DCLK1: variants seen among roughly 807,000 people sequenced by gnomAD.
DCLK1 encodes the protein doublecortin like kinase 1, also known as serine/threonine-protein kinase DCLK1.
In DCLK1, 16 loss-of-function variants were observed where a neutral mutation model predicts 86.2. The observed-to-expected ratio is 0.19, with a 90% CI of 0.13 to 0.28. The LOEUF is 0.28. DCLK1 is among the 10% of genes least tolerant of loss of function. DCLK1 has a pLI of 1.00. For missense variants in DCLK1, 590 were observed against 940.2 expected, an observed-to-expected ratio of 0.63 and a Z score of 4.87; for synonymous variants, 369 against 370.5, an observed-to-expected ratio of 1.00 and a Z score of 0.05.
intron 3 of DCLK1, among the ~76,000 whole-genome samples, chr13:36,029,367 T>C (rs1487056224): frequency 6.6e-6 from 1 of 152,214 alleles, no homozygotes; most frequent in African/African-American, 2.4e-5. Context: ...TGTTTTTCTA[T>C]CAGCGTCACA....
intron 4 of DCLK1, among the ~76,000 whole-genome samples, chr13:35,905,340 A>G (rs1874620866): frequency 6.6e-6 from 1 of 152,192 alleles, no homozygotes; most frequent in African/African-American, 2.4e-5. Context: ...TAGACATGTG[A>G]TATACTTTGA....
At chr13:36,038,268 C>T (rs150953771) in intron 3 of DCLK1, among the ~76,000 whole-genome samples, 1 of 152,206 alleles carries the variant, frequency 6.6e-6, no homozygotes. Flanking sequence ...ACTGTCCCCA[C>T]CATGGGTCCA....
At chr13:35,863,657 A>G (rs1871565167) in intron 5 of DCLK1, among the ~76,000 whole-genome samples, 1 of 152,216 alleles carries the variant, frequency 6.6e-6, no homozygotes, top group Admixed American at 6.5e-5. Context: ...TTGGAGCTCC[A>G]AAGCAAAAAA....
chr13:36,074,716 T>C (rs1470491653), intron 3 of DCLK1, among the ~76,000 whole-genome samples: 5 of 152,154 alleles, frequency 3.3e-5, no homozygotes, highest in South Asian at 4.1e-4. Context: ...GGAAGAGCCA[T>C]AGTAATCCTT....
chr13:35,777,852 G>A (rs2153097301), intron 16 of DCLK1, among the ~76,000 whole-genome samples: 1 of 152,304 alleles, frequency 6.6e-6, no homozygotes, highest in Non-Finnish European at 1.5e-5. Flanking sequence ...CTTAGAGAAA[G>A]TATTTTAGGA....
chr13:36,070,621 T>C (rs997977742), intron 3 of DCLK1, among the ~76,000 whole-genome samples: 1 of 146,268 alleles, frequency 6.8e-6, no homozygotes, highest in African/African-American at 2.6e-5. Flanking sequence ...TTTTTTCCCA[T>C]CTTTATTTAT....
chr13:35,888,540 T>TA (rs1455706028), intron 4 of DCLK1, among the ~76,000 whole-genome samples: 6 of 17,784 alleles, frequency 3.4e-4, no homozygotes, highest in African/African-American at 1.4e-3. Flanking sequence ...TGTAAGTCCC[T>TA]GGGTACAGCA....
chr13:35,823,584 C>T (rs4331231), intron 10 of DCLK1, among the ~76,000 whole-genome samples: 49,478 of 152,008 alleles, frequency 0.33, 9,287 homozygotes, highest in African/African-American at 0.52. Context: ...GTTTCCTTTG[C>T]TCCTTTTTAA....
At chr13:36,024,858 G>C (rs1360353346) in intron 3 of DCLK1, among the ~76,000 whole-genome samples, 1 of 151,622 alleles carries the variant, frequency 6.6e-6, no homozygotes, top group African/African-American at 2.4e-5. Context: ...AAGCAATCAA[G>C]ACAGTATGAT....
chr13:35,850,222 AGT>A (rs1201701296), intron 6 of DCLK1: 1 of 983,400 alleles, frequency 1.0e-6, no homozygotes, highest in Admixed American at 6.2e-5. Flanking sequence ...TTGTAATAAA[AGT>A]ACCTCTAAAA....
intron 6 of DCLK1, chr13:35,847,311 A>G: frequency 1.0e-6 from 1 of 985,216 alleles, no homozygotes. Flanking sequence ...ACAGAGTAAC[A>G]CTTTATTACA....
chr13:35,840,409 G>A (rs1204641670), intron 6 of DCLK1, among the ~76,000 whole-genome samples: 2 of 152,160 alleles, frequency 1.3e-5, no homozygotes, highest in Non-Finnish European at 2.9e-5. Context: ...ATCACAGAAC[G>A]TTTTCCTGGG....
intron 3 of DCLK1, among the ~76,000 whole-genome samples, chr13:36,029,145 A>G (rs2153152692): frequency 6.6e-6 from 1 of 152,296 alleles, no homozygotes; most frequent in South Asian, 2.1e-4. Flanking sequence ...GAGATTCAAG[A>G]ACCCTCTCTT....
intron 4 of DCLK1, among the ~76,000 whole-genome samples, chr13:35,940,328 A>T (rs1014220720): frequency 9.9e-5 from 15 of 151,992 alleles, no homozygotes; most frequent in African/African-American, 3.4e-4. Flanking sequence ...GAAGGGTCAC[A>T]TCTGACCTAA....
At chr13:35,832,069 G>A (rs1344396661) in intron 8 of DCLK1, among the ~76,000 whole-genome samples, 1 of 152,114 alleles carries the variant, frequency 6.6e-6, no homozygotes, top group Non-Finnish European at 1.5e-5. Context: ...GAGGCAGGAG[G>A]ATCACTTGAG....
chr13:35,835,358 C>G (rs1358288761), intron 8 of DCLK1, among the ~76,000 whole-genome samples: 3 of 152,124 alleles, frequency 2.0e-5, no homozygotes, highest in African/African-American at 7.2e-5. Flanking sequence ...CTGACCAGCT[C>G]CCCTAAAGCA....
chr13:35,956,821 A>C (rs1472779093), intron 3 of DCLK1, among the ~76,000 whole-genome samples: 1 of 152,168 alleles, frequency 6.6e-6, no homozygotes, highest in Non-Finnish European at 1.5e-5. Flanking sequence ...TTCTCTAAAA[A>C]ATTTTAATAG....
At chr13:35,926,491 C>T (rs1876126234) in intron 4 of DCLK1, among the ~76,000 whole-genome samples, 1 of 152,298 alleles carries the variant, frequency 6.6e-6, no homozygotes, top group African/African-American at 2.4e-5. Flanking sequence ...TCTGAGTTTG[C>T]TAAGCATTGC....
At chr13:36,004,326 G>A (rs554191914) in intron 3 of DCLK1, among the ~76,000 whole-genome samples, 6 of 152,088 alleles carry the variant, frequency 3.9e-5, no homozygotes, top group Non-Finnish European at 8.8e-5. Context: ...AACATGCACT[G>A]GTTCTGGAAT....
Sources: gnomAD v4.1 joint callset for allele counts (sites outside exome capture counted in the v4.1 genomes callset) on GRCh38, gnomAD v4.1.1 for gene constraint, MANE v1.5 for transcripts, NCBI Gene and HGNC (gene_info 2026-07-23, HGNC 2026-07-21) for gene names.